Variants in LRP1B observed in about 807,000 individuals in gnomAD.
LRP1B encodes the protein low-density lipoprotein receptor-related protein 1B.
A neutral mutation model predicts 556.6 loss-of-function variants in LRP1B; 217 were observed. That is an observed-to-expected ratio of 0.39 (90% confidence interval 0.35 to 0.44). The LOEUF is 0.44. Ranked by LOEUF, LRP1B falls within the 20% of genes least tolerant of loss-of-function variation. The pLI is 1.00. For synonymous variants in LRP1B, 2,047 were observed against 1,865.8 expected (o/e 1.10, Z -2.50); for missense variants, 5,053 against 5,620.8 (o/e 0.90, Z 3.23).
intron 2 of LRP1B, among the ~76,000 whole-genome samples, chr2:141,674,803 G>A (rs2105418959): frequency 6.6e-6 from 1 of 152,132 alleles, no homozygotes; most frequent in Middle Eastern, 3.4e-3. Flanking sequence ...ATTGCAACGG[G>A]TAGATTTCTA....
intron 7 of LRP1B, among the ~76,000 whole-genome samples, chr2:141,156,125 C>G (rs1702059127): frequency 6.6e-6 from 1 of 152,098 alleles, no homozygotes; most frequent in Non-Finnish European, 1.5e-5. Flanking sequence ...CTCACCAGAA[C>G]TAAAACAAAA....
intron 15 of LRP1B, among the ~76,000 whole-genome samples, chr2:141,001,741 A>T (rs1412432042): frequency 6.6e-6 from 1 of 152,126 alleles, no homozygotes; most frequent in Non-Finnish European, 1.5e-5. Flanking sequence ...AGGCATGATG[A>T]GACCAGGCAG....
In LRP1B at chr2:140,910,816, A is replaced by T. The variant is rs75073392; in HGVS notation, c.3320-2739T>A. 1.2e-3 allele frequency among the ~76,000 whole-genome samples: 178 copies of T among 152,020 alleles called. 1 individual carries two copies. In the East Asian group the frequency reaches 0.034, roughly 29 times the overall value. On this transcript the variant is annotated intron_variant, in intron 21 of 90. Coordinates refer to ENST00000389484, the MANE Select transcript of LRP1B (RefSeq NM_018557.3). ...AAACTAGATTTGACAATAATGTAAG[A>T]AACAGCACAAATGTTGAAAATTGTG...
intron 7 of LRP1B, among the ~76,000 whole-genome samples, chr2:141,078,176 T>C (rs1359447921): frequency 6.6e-6 from 1 of 152,200 alleles, no homozygotes; most frequent in Admixed American, 6.5e-5. Flanking sequence ...AATAAGTGTA[T>C]TGAGGCCATT....
intron 14 of LRP1B, among the ~76,000 whole-genome samples, chr2:141,008,144 A>G (rs1276660465): frequency 6.6e-6 from 1 of 151,436 alleles, no homozygotes; most frequent in East Asian, 1.9e-4. Context: ...TTAAGTAACT[A>G]CAAATATGGT....
intron 3 of LRP1B, among the ~76,000 whole-genome samples, chr2:141,312,418 G>A (rs12991433): frequency 0.045 from 6,891 of 151,980 alleles, 226 homozygotes; most frequent in Non-Finnish European, 0.074. Flanking sequence ...TATAACATAC[G>A]AAATATGTGT....
intron 86 of LRP1B, among the ~76,000 whole-genome samples, chr2:140,256,449 C>CT (rs764826231): frequency 6.3e-4 from 16 of 25,326 alleles, no homozygotes; most frequent in African/African-American, 1.9e-3. Flanking sequence ...TTTTTCCTTC[C>CT]TTTTTTTTTT....
At chr2:141,782,798 T>C (rs908861056) in intron 2 of LRP1B, among the ~76,000 whole-genome samples, 4 of 152,032 alleles carry the variant, frequency 2.6e-5, no homozygotes, top group African/African-American at 4.8e-5. Flanking sequence ...AAGCTTTTTT[T>C]CCCCCACATT....
Position 140,667,978 on chromosome 2 carries a change from T to C in LRP1B, c.6799+32272A>G, listed in dbSNP as rs187785476. 3.0e-3 allele frequency among the ~76,000 whole-genome samples: 455 copies of C among 152,250 alleles called. 4 individuals carry two copies. The highest frequency in any genetic ancestry group is 0.018 in the South Asian group (86 of 4,826). ...TATTTAATGACCTAAACAATACACA[T>C]GAAAACTGAAAATTGAAATCAGACT... On this transcript the variant is annotated intron_variant, in intron 41 of 90. Transcript: ENST00000389484.
chr2:141,205,675 C>A (rs1321411912), intron 6 of LRP1B, among the ~76,000 whole-genome samples: 1 of 74,482 alleles, frequency 1.3e-5, no homozygotes, highest in East Asian at 3.8e-4. Flanking sequence ...ATTCTTCTTG[C>A]AAATCAAATA....
intron 3 of LRP1B, among the ~76,000 whole-genome samples, chr2:141,444,976 T>C (rs1681130717): frequency 6.6e-6 from 1 of 152,204 alleles, no homozygotes; most frequent in Admixed American, 6.5e-5. Context: ...CTTTTTCTAT[T>C]GTTTGCAATA....
intron 3 of LRP1B, among the ~76,000 whole-genome samples, chr2:141,299,016 T>TGC (rs1177819082): frequency 1.3e-5 from 2 of 151,624 alleles, no homozygotes; most frequent in Admixed American, 1.3e-4. Flanking sequence ...TATAATACCT[T>TGC]GCAGTATGTT....
chr2:140,736,064 C>T (rs187536978), intron 35 of LRP1B, among the ~76,000 whole-genome samples: 2 of 152,190 alleles, frequency 1.3e-5, no homozygotes, highest in East Asian at 1.9e-4. Context: ...CTCTTAAACA[C>T]ATGGAGAAAC....
At chr2:140,249,619 C>T (rs190904279) in intron 86 of LRP1B, among the ~76,000 whole-genome samples, 1 of 151,874 alleles carries the variant, frequency 6.6e-6, no homozygotes, top group East Asian at 1.9e-4. Flanking sequence ...TACCATTCTC[C>T]TTATACTCCT....
chr2:140,935,755 G>A lies in LRP1B; in HGVS notation c.3137-12608C>T, dbSNP rs1453692864. Reference sequence around the variant, plus strand: ...AGAAAAAGAGAAAATCTTGAAAGCGGCAAGTGAGAAGATACTCATCACATA... The same window carrying A: ...AGAAAAAGAGAAAATCTTGAAAGCGACAAGTGAGAAGATACTCATCACATA... On this transcript the variant is annotated intron_variant, in intron 20 of 90. Transcript: ENST00000389484. Among the ~76,000 whole-genome samples the A allele has an allele frequency of 2.0e-5, 3 of 152,066 alleles. No homozygotes were observed. The East Asian group carries it at 5.8e-4, about 29-fold the overall frequency.
intron 1 of LRP1B, among the ~76,000 whole-genome samples, chr2:142,059,906 G>T (rs971709920): frequency 6.6e-6 from 1 of 152,036 alleles, no homozygotes; most frequent in Non-Finnish European, 1.5e-5. Context: ...TAAGTACATA[G>T]TTGAATAAAG....
At chr2:140,605,018 C>T (rs897313460) in intron 41 of LRP1B, among the ~76,000 whole-genome samples, 1 of 152,032 alleles carries the variant, frequency 6.6e-6, no homozygotes, top group Non-Finnish European at 1.5e-5. Context: ...TACCCAGTCT[C>T]GGGTATGTCT....
chr2:141,867,241 A>G (rs1213227870), intron 1 of LRP1B, among the ~76,000 whole-genome samples: 1 of 152,094 alleles, frequency 6.6e-6, no homozygotes, highest in East Asian at 1.9e-4. Context: ...GGTGAAACTT[A>G]TTTCGCATCT....
At chr2:141,614,874 A>T (rs992470141) in intron 2 of LRP1B, among the ~76,000 whole-genome samples, 17 of 152,206 alleles carry the variant, frequency 1.1e-4, no homozygotes, top group Non-Finnish European at 4.4e-5. Context: ...GCCCTAGCAA[A>T]CTAATATAAA....
Sources: gnomAD v4.1 joint callset for allele counts (sites outside exome capture counted in the v4.1 genomes callset) on GRCh38, gnomAD v4.1.1 for gene constraint, MANE v1.5 for transcripts, NCBI Gene and HGNC (gene_info 2026-07-23, HGNC 2026-07-21) for gene names.